PTPRS: variants seen among roughly 807,000 people sequenced by gnomAD.
The protein encoded by PTPRS is receptor-type tyrosine-protein phosphatase S.
Under a neutral mutation model 215.3 loss-of-function variants are expected in PTPRS, and 63 were observed. The ratio of observed to expected loss-of-function variants is 0.29; its 90% CI spans 0.24 to 0.36. The LOEUF (loss-of-function observed/expected upper bound fraction) is 0.36, where lower values mean the gene tolerates loss of function less well. PTPRS is among the 10% of genes least tolerant of loss of function. The pLI is 1.00. For synonymous variants in PTPRS, 1,404 were observed against 1,191.4 expected (o/e 1.18, Z -3.68); for missense variants, 2,258 against 2,825.8 (o/e 0.80, Z 4.56).
At chr19:5,253,672 G>C (rs1306295865) in intron 9 of PTPRS, among the ~76,000 whole-genome samples, 2 of 152,208 alleles carry the variant, frequency 1.3e-5, no homozygotes, top group African/African-American at 4.8e-5. Flanking sequence ...AGCGAAAAAT[G>C]AGGTCTGAGC....
rs2045626477 is a variant in PTPRS at position 5,257,241 on chromosome 19, G to A, written c.706+776C>T. On this transcript the variant is annotated intron_variant, in intron 8 of 37. Coordinates refer to ENST00000262963, the MANE Select transcript of PTPRS (RefSeq NM_002850.4). The surrounding 1 kb of genome is among the most constrained non-coding windows in gnomAD (Gnocchi z 4.4). Reference sequence around the variant, plus strand: ...ACCCACAAGGAAGTAAGCTTCCTTGGGGCAGGGGAGCGGGGAGGTGCTGGG... The same window carrying A: ...ACCCACAAGGAAGTAAGCTTCCTTGAGGCAGGGGAGCGGGGAGGTGCTGGG... Among the ~76,000 whole-genome samples the A allele has an allele frequency of 6.6e-6, 1 of 151,852 alleles. No individual in the cohort carries two copies.
intron 16 of PTPRS, among the ~76,000 whole-genome samples, chr19:5,226,669 A>G (rs562515621): frequency 6.6e-6 from 1 of 152,226 alleles, no homozygotes; most frequent in East Asian, 1.9e-4. Flanking sequence ...GGATCACTTG[A>G]ACCCAGGAGG....
At chr19:5,335,022 TAC>T (rs1308215040) in intron 1 of PTPRS, among the ~76,000 whole-genome samples, 1 of 152,178 alleles carries the variant, frequency 6.6e-6, no homozygotes, top group Non-Finnish European at 1.5e-5. Flanking sequence ...CATTAAATTA[TAC>T]ACACACAGAC....
intron 9 of PTPRS, among the ~76,000 whole-genome samples, chr19:5,254,046 T>C (rs1026164569): frequency 1.3e-5 from 2 of 152,288 alleles, no homozygotes; most frequent in East Asian, 3.9e-4. Context: ...CCAGAGCCTA[T>C]GCTCTCATCA....
intron 1 of PTPRS, among the ~76,000 whole-genome samples, chr19:5,309,901 C>A (rs1158156439): frequency 1.3e-5 from 2 of 152,194 alleles, no homozygotes; most frequent in Non-Finnish European, 2.9e-5. Flanking sequence ...CTGCAACAGC[C>A]AGGGGTCGCC....
intron 20 of PTPRS, among the ~76,000 whole-genome samples, chr19:5,220,681 C>T (rs566850941): frequency 2.0e-5 from 3 of 152,246 alleles, no homozygotes; most frequent in African/African-American, 7.2e-5. Context: ...TGCTCCTCTC[C>T]CCACTGGGGA....
chr19:5,266,205 G>C (rs1450218524), intron 4 of PTPRS, among the ~76,000 whole-genome samples: 2 of 152,034 alleles, frequency 1.3e-5, no homozygotes, highest in Non-Finnish European at 2.9e-5. Context: ...GTTGTGGTGA[G>C]CCAAGATCAC....
At chr19:5,249,765 A>C (rs1276092499) in intron 9 of PTPRS, among the ~76,000 whole-genome samples, 1 of 152,234 alleles carries the variant, frequency 6.6e-6, no homozygotes, top group African/African-American at 2.4e-5. Context: ...AGAAGCCATC[A>C]GTAAAAGGCT....
At position 5,274,307 on chromosome 19, in the gene PTPRS, G is replaced by A. The variant is rs750369953; in HGVS notation, c.129C>T (p.Ile43=). The A allele has an allele frequency of 1.5e-5, 25 of 1,613,556 alleles. No individual in the cohort carries two copies. Among genetic ancestry groups the A allele is most frequent in the Admixed American group, 3.3e-5 (2 of 59,980 alleles). ...AAGAGGCCACACCCCCCGACACGCC[G>A]ATCTGGTCCTTGGGTTCTTTGATAA... is the stretch of plus-strand genomic sequence containing the variant. ...PRFIKEPKDQ[I]GVSGGVASFV... Residue 43 remains isoleucine, a synonymous_variant, in exon 3 of 38, where the codon ATC becomes ATT. Coordinates refer to ENST00000262963, the MANE Select transcript of PTPRS (RefSeq NM_002850.4).
chr19:5,278,597 C>A (rs140682554), intron 2 of PTPRS, among the ~76,000 whole-genome samples: 4 of 152,090 alleles, frequency 2.6e-5, no homozygotes, highest in Admixed American at 2.6e-4. Context: ...TCTGCCTCAG[C>A]CGCCCAAGTA....
intron 1 of PTPRS, among the ~76,000 whole-genome samples, chr19:5,316,865 G>T (rs1377770128): frequency 6.6e-6 from 1 of 152,194 alleles, no homozygotes; most frequent in Non-Finnish European, 1.5e-5. Flanking sequence ...GTGATTTGGG[G>T]TTCTGCACAC....
chr19:5,330,076 CA>C (rs10690740), intron 1 of PTPRS, among the ~76,000 whole-genome samples: 4,467 of 74,410 alleles, frequency 0.06, 59 homozygotes, highest in South Asian at 0.14. Flanking sequence ...GACTCTGTCT[CA>C]AAAAAAAAAA....
At chr19:5,222,085 CCTGCCT>C (rs775136564) in intron 19 of PTPRS, 32 bp downstream of exon 19, 1 of 1,364,596 alleles carries the variant, frequency 7.3e-7, no homozygotes, top group Non-Finnish European at 1.0e-6. Flanking sequence ...AACCCCTGAC[CCTGCCT>C]GCCTGCCTGC....
intron 1 of PTPRS, among the ~76,000 whole-genome samples, chr19:5,322,923 A>G (rs1462781378): frequency 6.6e-6 from 1 of 151,572 alleles, no homozygotes; most frequent in Non-Finnish European, 1.5e-5. Flanking sequence ...GAAGAAAAAG[A>G]AAAAACAGAC....
At chr19:5,275,131 T>C (rs1199011346) in intron 2 of PTPRS, among the ~76,000 whole-genome samples, 2 of 151,484 alleles carry the variant, frequency 1.3e-5, no homozygotes, top group South Asian at 2.1e-4. Context: ...AGTACAGTGG[T>C]GTGATCTCGG....
intron 9 of PTPRS, among the ~76,000 whole-genome samples, chr19:5,252,523 G>C (rs2045202825): frequency 1.4e-5 from 2 of 145,686 alleles, no homozygotes; most frequent in South Asian, 4.4e-4. Flanking sequence ...GTTGCAGTGA[G>C]CCGAGATTGC....
intron 1 of PTPRS, among the ~76,000 whole-genome samples, chr19:5,340,237 G>T (rs1464335523): frequency 1.3e-5 from 2 of 148,556 alleles, no homozygotes; most frequent in East Asian, 2.0e-4. Context: ...CGGGGACCCG[G>T]GCCGGGCGCC....
chr19:5,330,993 C>A (rs79446317), intron 1 of PTPRS, among the ~76,000 whole-genome samples: 3,857 of 152,152 alleles, frequency 0.025, 147 homozygotes, highest in East Asian at 0.16. Context: ...CAGAGGGAAC[C>A]CATTAGCAAT....
rs762510209 is a variant in PTPRS, at chr19:5,222,982, G to A, written c.2810C>T (p.Ala937Val). ...GGTCCCGGCCGAGGCGTTGCCGGCC[G>A]CCTCCAGAATCTGCGGGTGGCCACG... ...TPRGHPQILE[A>V]AGNASAGTVL... The change falls in exon 18 of 38, where the codon GCG (alanine) becomes GTG (valine). Residue 937 changes from alanine (A) to valine (V), a missense_variant. This residue lies in a region of PTPRS where 361 missense variants were observed against 332.6 expected (regional missense o/e 1.09). Transcript: ENST00000262963. 1.8e-4 allele frequency: 272 copies of A among 1,541,056 alleles called. No homozygotes were observed. The highest frequency in any genetic ancestry group is 2.3e-4 in the Non-Finnish European group (267 of 1,147,404).
Sources: gnomAD v4.1 joint callset for allele counts (sites outside exome capture counted in the v4.1 genomes callset) on GRCh38, gnomAD v4.1.1 for gene constraint, gnomAD v4.1.1 regional missense constraint, Gnocchi (gnomAD v3.1) non-coding constraint, MANE v1.5 for transcripts, NCBI Gene and HGNC (gene_info 2026-07-23, HGNC 2026-07-21) for gene names.